Variants in USP34 observed in about 807,000 individuals in gnomAD.
USP34 encodes ubiquitin carboxyl-terminal hydrolase 34.
USP34 carries 70 observed loss-of-function variants against 460.3 expected under a neutral mutation model. That is an observed-to-expected ratio of 0.15 (90% CI 0.13 to 0.19). The LOEUF is 0.19. USP34 is among the 10% of genes least tolerant of loss of function. The probability of loss-of-function intolerance (pLI) is 1.00; values close to 1 mark genes in which losing one functional copy is unlikely to be tolerated. For missense variants in USP34, 3,985 were observed against 4,236.2 expected, an observed-to-expected ratio of 0.94 and a Z score of 1.65; for synonymous variants, 1,647 against 1,405.3, an observed-to-expected ratio of 1.17 and a Z score of -3.85.
rs749963447 is a variant in USP34, at chr2:61,245,286, T to C, written c.6551A>G (p.Tyr2184Cys). The change falls in exon 51 of 80, where the codon TAT becomes TGT. Residue 2184 changes from tyrosine to cysteine, a missense_variant and splice_region_variant. Transcript: ENST00000398571. ...NPHAYKNNKW[Y>C]LFNDAEVKPF... ...TTTTACCTCAGCATCATTAAAAAGA[T>C]ACCTAAAATAGAGCATATAGTATTA... The C allele has an allele frequency of 1.3e-6, 2 of 1,598,554 alleles. No homozygotes were observed. The highest frequency in any genetic ancestry group is 2.2e-5 in the South Asian group (2 of 89,612).
intron 48 of USP34, among the ~76,000 whole-genome samples, chr2:61,253,050 G>C (rs1688629341): frequency 6.6e-6 from 1 of 152,192 alleles, no homozygotes; most frequent in Admixed American, 6.5e-5. Context: ...AAAATGAATA[G>C]ATTGAGAAAA....
At chr2:61,387,822 T>TA (rs1220461182) in intron 5 of USP34, among the ~76,000 whole-genome samples, 1 of 149,632 alleles carries the variant, frequency 6.7e-6, no homozygotes, top group Non-Finnish European at 1.5e-5. Flanking sequence ...TACACACATG[T>TA]AAAAATATAT....
At chr2:61,207,057 T>A in intron 70 of USP34, 171 bp from the exon 71 acceptor site, 1 of 610,198 alleles carries the variant, frequency 1.6e-6, no homozygotes, top group South Asian at 2.4e-5. Flanking sequence ...CTCATTAAGC[T>A]CTTTTAAACA....
intron 1 of USP34, among the ~76,000 whole-genome samples, chr2:61,447,206 G>C (rs1342477878): frequency 1.7e-5 from 2 of 118,352 alleles, no homozygotes; most frequent in African/African-American, 6.3e-5. Context: ...AGTGAGCAGA[G>C]AACGCACCAC....
At chr2:61,211,183 T>A (rs1687264214) in intron 69 of USP34, among the ~76,000 whole-genome samples, 1 of 151,530 alleles carries the variant, frequency 6.6e-6, no homozygotes, top group Non-Finnish European at 1.5e-5. Context: ...TTAAAAAAAA[T>A]GTGCCTAATA....
intron 1 of USP34, among the ~76,000 whole-genome samples, chr2:61,443,510 T>C (rs1002681771): frequency 2.0e-5 from 3 of 148,550 alleles, no homozygotes; most frequent in East Asian, 3.9e-4. Context: ...AAAAAAACTA[T>C]CAAGACATGA....
intron 1 of USP34, among the ~76,000 whole-genome samples, chr2:61,426,001 G>C (rs141116651): frequency 5.3e-5 from 8 of 152,116 alleles, no homozygotes; most frequent in Non-Finnish European, 1.0e-4. Flanking sequence ...CTAACTCCCA[G>C]ACATTTCTAC....
chr2:61,454,875 T>G (rs1248421174), intron 1 of USP34, among the ~76,000 whole-genome samples: 4 of 149,488 alleles, frequency 2.7e-5, no homozygotes, highest in South Asian at 2.1e-4. Flanking sequence ...TTTTTCTTTT[T>G]TTTTTTTTTT....
chr2:61,372,911 A>G (rs575226384), intron 8 of USP34, among the ~76,000 whole-genome samples: 8 of 152,312 alleles, frequency 5.3e-5, no homozygotes, highest in African/African-American at 1.9e-4. Flanking sequence ...ACAACCAAGA[A>G]GTAGAACAAA....
chr2:61,203,571 A>T (rs1687033482), intron 74 of USP34, among the ~76,000 whole-genome samples: 1 of 152,146 alleles, frequency 6.6e-6, no homozygotes, highest in Non-Finnish European at 1.5e-5. Flanking sequence ...ATTAAGTTTG[A>T]CTTTTGAAAT....
chr2:61,269,858 G>T (rs996373788), intron 41 of USP34, among the ~76,000 whole-genome samples: 1 of 151,978 alleles, frequency 6.6e-6, no homozygotes, highest in Non-Finnish European at 1.5e-5. Context: ...GTGTAATGAT[G>T]AAATCAGGGT....
intron 10 of USP34, among the ~76,000 whole-genome samples, chr2:61,355,885 A>G (rs1408694624): frequency 6.6e-6 from 1 of 152,218 alleles, no homozygotes; most frequent in Non-Finnish European, 1.5e-5. Context: ...AAAGACACAA[A>G]AAGGTTTAAT....
chr2:61,245,139 T>C, intron 51 of USP34, 71 bp downstream of exon 51: 4 of 1,115,296 alleles, frequency 3.6e-6, no homozygotes, highest in South Asian at 1.5e-5. Context: ...GCGACTCTGC[T>C]ATTGGATTTT....
chr2:61,383,676 T>C (rs927818160), intron 5 of USP34, among the ~76,000 whole-genome samples: 5 of 152,094 alleles, frequency 3.3e-5, no homozygotes, highest in Non-Finnish European at 7.4e-5. Flanking sequence ...GCCGAGATTG[T>C]GCCACTGCAC....
intron 1 of USP34, among the ~76,000 whole-genome samples, chr2:61,438,349 A>T (rs1005990997): frequency 6.6e-6 from 1 of 152,130 alleles, no homozygotes; most frequent in Non-Finnish European, 1.5e-5. Context: ...TGGTGGCTCA[A>T]CGCCTGTAAT....
chr2:61,254,915 A>G (rs1390712979), intron 48 of USP34, among the ~76,000 whole-genome samples: 8 of 152,204 alleles, frequency 5.3e-5, no homozygotes, highest in Non-Finnish European at 1.2e-4. Context: ...TGGCACAATC[A>G]TGGCTCACTG....
At chr2:61,419,132 T>C (rs1162438462) in intron 2 of USP34, among the ~76,000 whole-genome samples, 3 of 152,118 alleles carry the variant, frequency 2.0e-5, no homozygotes, top group Non-Finnish European at 4.4e-5. Context: ...TCATCATCAC[T>C]CGTTCACAGG....
chr2:61,336,464 G>GT (rs1691419770), intron 18 of USP34, among the ~76,000 whole-genome samples: 1 of 151,308 alleles, frequency 6.6e-6, no homozygotes, highest in Admixed American at 6.6e-5. Context: ...TATAAAAGAA[G>GT]TATGTACTCA....
intron 37 of USP34, among the ~76,000 whole-genome samples, chr2:61,282,863 C>A (rs995771222): frequency 6.6e-6 from 1 of 151,914 alleles, no homozygotes; most frequent in Non-Finnish European, 1.5e-5. Flanking sequence ...AATTCTCAAG[C>A]CCTTCCTACT....
Sources: gnomAD v4.1 joint callset for allele counts (sites outside exome capture counted in the v4.1 genomes callset) on GRCh38, gnomAD v4.1.1 for gene constraint, MANE v1.5 for transcripts, NCBI Gene and HGNC (gene_info 2026-07-23, HGNC 2026-07-21) for gene names.